The following MUC12 variants were observed in gnomAD, a reference collection of about 807,000 sequenced individuals.
MUC12 encodes the protein mucin-12.
A neutral mutation model predicts 230.8 loss-of-function variants in MUC12; 172 were observed. That is an observed-to-expected ratio of 0.75 (90% CI 0.66 to 0.85). MUC12 has a LOEUF of 0.85. Ranked by LOEUF, MUC12 falls within the 40% of genes least tolerant of loss-of-function variation. The pLI is 0.00. For missense variants in MUC12, 3,506 were observed against 5,920.6 expected (o/e 0.59, Z 13.38); for synonymous variants, 1,259 against 2,401.9 (o/e 0.52, Z 13.91).
rs1355068393 is a variant in MUC12 at position 101,012,285 on chromosome 7, C to T, written c.15252-11C>T. ...GACATGGGTAACTGATGAAACGATT[C>T]CCACTTCCAGCAACGGTAGCATCGT... On this transcript the variant is annotated splice_polypyrimidine_tract_variant and intron_variant, in intron 5 of 11. Transcript: ENST00000536621. The T allele has an allele frequency of 6.5e-7, 1 of 1,536,606 alleles. No homozygotes were observed. The highest frequency in any genetic ancestry group is 1.2e-5 in the South Asian group (1 of 83,924).
At position 101,008,912 on chromosome 7, in the gene MUC12, G is replaced by C. The variant is rs189356499; in HGVS notation, c.15186+151G>C. ...AGTCTTGAAAGGAGGTCCTTTGAGA[G>C]CTTCCAGCCTTCAGCCCCACATGAC... On this transcript the variant is annotated intron_variant, in intron 4 of 11. Transcript: ENST00000536621. Among the ~76,000 whole-genome samples the C allele has an allele frequency of 2.6e-5, 4 of 152,176 alleles. No homozygotes were observed. In the South Asian group the frequency reaches 8.3e-4, roughly 31 times the overall value.
chr7:101,012,079 A>G (rs141464622), intron 5 of MUC12, among the ~76,000 whole-genome samples: 335 of 152,170 alleles, frequency 2.2e-3, no homozygotes, highest in Middle Eastern at 3.4e-3. Context: ...AATTTCACTC[A>G]TTGGCATTTA....
In MUC12 at chr7:101,004,906, C is replaced by T; in HGVS notation, c.14343C>T (p.Phe4781=). Residue 4781 remains phenylalanine, a synonymous_variant, in exon 2 of 12, where the codon TTC becomes TTT. Transcript: ENST00000536621. ...CAGAGTCAACACACACAACAGCGTT[C>T]CCTGCCAGCACCACCACCTCAGGCC... ...SQAESTHTTA[F]PASTTTSGLS... 1 of 1,537,752 alleles carries T rather than the reference C, an allele frequency of 6.5e-7. No homozygotes were observed. Among genetic ancestry groups the T allele is most frequent in the Non-Finnish European group, 8.7e-7 (1 of 1,147,024 alleles).
rs201384124 is a variant in MUC12, at chr7:100,991,611, G to A, written c.1048G>A (p.Ala350Thr). 1,491 of 1,407,778 alleles carry A rather than the reference G, an allele frequency of 1.1e-3. 7 individuals are homozygous for A. The highest frequency in any genetic ancestry group is 1.8e-3 in the Middle Eastern group (10 of 5,596). 87.2% of individuals were successfully genotyped at this position (1,407,778 alleles called of 1,614,324 possible). ...AACAACACCCCCACCTGCCCGCTCC[G>A]CGACCTCAGGCCATGTTGAAGAATC... ...TATTPPPARS[A>T]TSGHVEESTA... Residue 350 changes from alanine (A) to threonine (T), a missense_variant, in exon 2 of 12, where the codon GCG becomes ACG. Coordinates refer to ENST00000536621, the MANE Select transcript of MUC12 (RefSeq NM_001164462.2).
At chr7:101,006,996 T>A (rs1321320802) in intron 3 of MUC12, among the ~76,000 whole-genome samples, 1 of 152,166 alleles carries the variant, frequency 6.6e-6, no homozygotes, top group Non-Finnish European at 1.5e-5. Context: ...TCTCGCTCTG[T>A]CTCCCAGGCT....
intron 11 of MUC12, 82 bp from the exon 12 acceptor site, chr7:101,018,513 C>T (rs1584851201): frequency 9.0e-6 from 13 of 1,436,572 alleles, no homozygotes; most frequent in Admixed American, 5.9e-5. Context: ...CCCTCCTCCC[C>T]GCCAGGGCTC....
rs1793302191 is a variant in MUC12 at position 100,991,537 on chromosome 7, GC to G, written c.976del (p.His326IlefsTer82). On this transcript the variant is annotated frameshift_variant, in exon 2 of 12. Coordinates refer to ENST00000536621, the MANE Select transcript of MUC12 (RefSeq NM_001164462.2). LOFTEE classifies it high-confidence loss of function. The part of the protein sequence containing the change: ...THFSASSTTL[G>X]HSEESTPVHS... ...TTTTCTGCCAGCTCCACAACCTTGG[GC>G]CATAGTGAGGAATCGACACCAGTCC... The G allele has an allele frequency of 6.5e-7, 1 of 1,536,606 alleles. No individual in the cohort carries two copies. Among genetic ancestry groups the G allele is most frequent in the Non-Finnish European group, 8.7e-7 (1 of 1,146,278 alleles).
chr7:100,992,216 T>G lies in MUC12; in HGVS notation c.1653T>G (p.Ala551=), dbSNP rs1171376892. The G allele has an allele frequency of 1.2e-5, 18 of 1,537,498 alleles. No homozygotes were observed. The highest frequency in any genetic ancestry group is 1.6e-5 in the Non-Finnish European group (18 of 1,146,950). ...TMPGLSQEST[A]SHSSPGPTDT... is the part of the protein sequence containing the mutation. ...CAGGCCTCAGTCAGGAATCTACAGC[T>G]TCCCACAGCAGCCCAGGCCCCACAG... The change falls in exon 2 of 12, where the codon GCT becomes GCG. Residue 551 remains alanine (A), a synonymous_variant. Coordinates refer to ENST00000536621, the MANE Select transcript of MUC12 (RefSeq NM_001164462.2).
chr7:101,009,153 G>A lies in MUC12; in HGVS notation c.15245G>A (p.Arg5082Lys), dbSNP rs751476717. 2 of 1,537,822 alleles carry A rather than the reference G, an allele frequency of 1.3e-6. No homozygotes were observed. The highest frequency in any genetic ancestry group is 2.4e-5 in the South Asian group (2 of 84,062). Residue 5082 changes from arginine (R) to lysine (K), a missense_variant, in exon 5 of 12, where the codon AGA becomes AAA. Coordinates refer to ENST00000536621, the MANE Select transcript of MUC12 (RefSeq NM_001164462.2). ...CAGTATAGAGGGGTGAACATTCGGA[G>A]ATTGCTGTGAGTATATTGGGGGGCA... ...LPQYRGVNIR[R>K]LLNGSIVVKN...
chr7:101,013,230 T>C (rs1584847871), intron 8 of MUC12, 88 bp downstream of exon 8: 7 of 1,449,692 alleles, frequency 4.8e-6, no homozygotes, highest in Non-Finnish European at 6.5e-6. Flanking sequence ...GTTGGGGGAT[T>C]GAGTAGAGCT....
At position 101,006,408 on chromosome 7, in the gene MUC12, G is replaced by A. The variant is rs1040320789; in HGVS notation, c.14957-63G>A. ...ATGCTGAGTGACTGGACCTGGAATG[G>A]GAGTGCGTGTTTTTGCTCTTTGGGC... is the stretch of plus-strand genomic sequence containing the variant. On this transcript the variant is annotated intron_variant, in intron 2 of 11. Transcript: ENST00000536621. The A allele has an allele frequency of 2.1e-5, 23 of 1,074,262 alleles. No homozygotes were observed. In the East Asian group the frequency reaches 6.0e-4, roughly 28 times the overall value. 66.5% of individuals were successfully genotyped at this position (1,074,262 alleles called of 1,614,324 possible).
chr7:100,984,217 C>G (rs571797309), intron 1 of MUC12, among the ~76,000 whole-genome samples: 2 of 151,698 alleles, frequency 1.3e-5, no homozygotes, highest in Admixed American at 1.3e-4. Flanking sequence ...GCGGACTGAT[C>G]TCTGTGAGGT....
intron 1 of MUC12, among the ~76,000 whole-genome samples, chr7:100,977,370 CTTT>C (rs59529521): frequency 2.8e-5 from 4 of 144,176 alleles, no homozygotes; most frequent in Non-Finnish European, 1.5e-5. Context: ...CCTTCTCTAG[CTTT>C]TTTTTTTTTT....
In MUC12 at chr7:101,004,746, C is replaced by G. The variant is rs1329049566; in HGVS notation, c.14183C>G (p.Thr4728Ser). The part of the protein sequence containing the change: ...PGSMETTLAS[T>S]ATTPGLSAKS... ...TCAATGGAAACAACATTAGCCAGCA[C>G]TGCCACAACACCAGGCCTCAGTGCA... The change falls in exon 2 of 12, where the codon ACT becomes AGT. Residue 4728 changes from threonine (T) to serine (S), a missense_variant. Coordinates refer to ENST00000536621, the MANE Select transcript of MUC12 (RefSeq NM_001164462.2). The G allele has an allele frequency of 2.6e-6, 4 of 1,537,002 alleles. No individual in the cohort carries two copies. Among genetic ancestry groups the G allele is most frequent in the African/African-American group, 1.4e-5 (1 of 73,106 alleles).
chr7:100,969,809 C>T, intron 1 of MUC12, 120 bp downstream of exon 1: 1 of 1,421,224 alleles, frequency 7.0e-7, no homozygotes, highest in Non-Finnish European at 9.6e-7. Flanking sequence ...AAGGGGCTGC[C>T]ACAGGGCTGG....
chr7:100,971,629 G>A (rs1318562957), intron 1 of MUC12, among the ~76,000 whole-genome samples: 3 of 152,310 alleles, frequency 2.0e-5, no homozygotes, highest in African/African-American at 4.8e-5. Context: ...TTCAAGGGCT[G>A]GAGTGACGAA....
At position 101,005,256 on chromosome 7, in the gene MUC12, C is replaced by G; in HGVS notation, c.14693C>G (p.Thr4898Ser). 1.3e-6 allele frequency: 2 copies of G among 1,537,912 alleles called. No individual in the cohort carries two copies. The highest frequency in any genetic ancestry group is 4.9e-5 in the East Asian group (2 of 40,920). The change falls in exon 2 of 12, where the codon ACC (threonine) becomes AGC (serine). Residue 4898 changes from threonine (T) to serine (S), a missense_variant. By Grantham distance (58) the Thr-to-Ser change is moderately conservative. Transcript: ENST00000536621. ...ACAGTGTTACCTGCCACCCTCACAA[C>G]CACAGACATTGGTCAGGAATCAACA... ...THTVLPATLT[T>S]TDIGQESTAF...
intron 1 of MUC12, among the ~76,000 whole-genome samples, chr7:100,978,491 A>G (rs1793063050): frequency 6.6e-6 from 1 of 152,158 alleles, no homozygotes; most frequent in Non-Finnish European, 1.5e-5. Context: ...GAGAAATGGA[A>G]GTTCAGAGAG....
At chr7:101,015,914 C>G (rs145270544) in intron 10 of MUC12, among the ~76,000 whole-genome samples, 1,657 of 152,222 alleles carry the variant, frequency 0.011, 24 homozygotes, top group African/African-American at 0.038. Context: ...CCCCAGAGAC[C>G]AACTCAGTGA....
Sources: allele counts gnomAD v4.1 joint callset (sites outside exome capture counted in the v4.1 genomes callset), GRCh38; gene constraint gnomAD v4.1.1; transcripts MANE v1.5; gene names NCBI Gene and HGNC (gene_info 2026-07-23, HGNC 2026-07-21).